Variants in LONRF2 observed in about 807,000 individuals in gnomAD.
The protein encoded by LONRF2 is LON peptidase N-terminal domain and ring finger 2.
Under a neutral mutation model 66.6 loss-of-function variants are expected in LONRF2, and 35 were observed. The observed-to-expected ratio is 0.53, with a 90% CI of 0.40 to 0.70. The LOEUF (loss-of-function observed/expected upper bound fraction) is 0.70. Among genes scored for constraint, LONRF2 ranks in the 30% least tolerant of loss-of-function variants. The probability of loss-of-function intolerance (pLI) is 0.00; values close to 1 mark genes in which losing one functional copy is unlikely to be tolerated. For synonymous variants in LONRF2, 417 were observed against 418.1 expected, an observed-to-expected ratio of 1.00 and a Z score of 0.03; for missense variants, 902 against 1,002.1, an observed-to-expected ratio of 0.90 and a Z score of 1.35.
chr2:100,282,952 T>C lies in LONRF2; in HGVS notation c.*1346A>G, dbSNP rs1466001978. ...CATCAACATTGTATATTATGAGATA[T>C]ATATATTTTAAAACTAAAAAATCAC... On this transcript the variant is annotated 3_prime_UTR_variant, in exon 12 of 12. Transcript: ENST00000393437. The C allele has an allele frequency of 6.6e-6, 1 of 152,212 alleles. No homozygotes were observed. The highest frequency in any genetic ancestry group is 2.4e-5 in the African/African-American group (1 of 41,448). 9.4% of individuals were successfully genotyped at this position (152,212 alleles called of 1,614,324 possible). A position where few individuals can be genotyped will look rare whatever the true frequency, so the allele number is the denominator to read the frequency against.
chr2:100,299,001 A>C, intron 6 of LONRF2, 51 bp from the exon 7 acceptor site: 1 of 1,404,398 alleles, frequency 7.1e-7, no homozygotes. Context: ...CAGACTTTCA[A>C]ATCATGGACT....
intron 1 of LONRF2, among the ~76,000 whole-genome samples, chr2:100,313,993 TC>T (rs1467205529): frequency 6.6e-6 from 1 of 152,192 alleles, no homozygotes; most frequent in African/African-American, 2.4e-5. Flanking sequence ...ATTTATTTAC[TC>T]ATTCTACTAG....
At position 100,272,000 on chromosome 2, in the gene LONRF2, T is replaced by C. The variant is rs1674509945; in HGVS notation, c.*12298A>G. 6.6e-6 allele frequency among the ~76,000 whole-genome samples: 1 copy of C among 152,224 alleles called. No homozygotes were observed. Among genetic ancestry groups the C allele is most frequent in the Non-Finnish European group, 1.5e-5 (1 of 68,044 alleles). Reference sequence around the variant, plus strand: ...AGGAAGCGGGAAAATGCCTGATCCTTACAACTCACATATAAAAGACTTCAT... The same window carrying C: ...AGGAAGCGGGAAAATGCCTGATCCTCACAACTCACATATAAAAGACTTCAT... On this transcript the variant is annotated 3_prime_UTR_variant, in exon 12 of 12. Coordinates refer to ENST00000393437, the MANE Select transcript of LONRF2 (RefSeq NM_198461.4).
rs1675362213 is a variant in LONRF2 at position 100,309,238 on chromosome 2, A to G, written c.680-13T>C. On this transcript the variant is annotated splice_polypyrimidine_tract_variant and intron_variant, in intron 1 of 11. Transcript: ENST00000393437. Reference sequence around the variant, plus strand: ...TTATCATCAGGAGCTGAAAGACAGGAGGAATACAAATCAATAAAAATGACT... The same window carrying G: ...TTATCATCAGGAGCTGAAAGACAGGGGGAATACAAATCAATAAAAATGACT... 1.3e-6 allele frequency: 2 copies of G among 1,539,508 alleles called. No individual in the cohort carries two copies. Among genetic ancestry groups the G allele is most frequent in the Non-Finnish European group, 1.8e-6 (2 of 1,128,366 alleles).
rs1238130653 is a variant in LONRF2 at position 100,277,655 on chromosome 2, C to T, written c.*6643G>A. 1 of 152,170 alleles carries T rather than the reference C, an allele frequency of 6.6e-6. No individual in the cohort carries two copies. The highest frequency in any genetic ancestry group is 1.5e-5 in the Non-Finnish European group (1 of 68,024). 9.4% of individuals were successfully genotyped at this position (152,170 alleles called of 1,614,324 possible). A position where few individuals can be genotyped will look rare whatever the true frequency, so the allele number is the denominator to read the frequency against. The stretch of plus-strand genomic sequence containing the variant: ...GGAGCCCAAGAGAATGTTGCTGCTT[C>T]CCATCTTTTAGCCAGCATGCCCTGA... On this transcript the variant is annotated 3_prime_UTR_variant, in exon 12 of 12. Coordinates refer to ENST00000393437, the MANE Select transcript of LONRF2 (RefSeq NM_198461.4).
At chr2:100,288,596 C>G (rs908517580) in intron 10 of LONRF2, among the ~76,000 whole-genome samples, 9 of 152,214 alleles carry the variant, frequency 5.9e-5, no homozygotes, top group Admixed American at 5.2e-4. Context: ...GACATTTCCA[C>G]TACTTAGAAA....
chr2:100,321,719 G>A lies in LONRF2; in HGVS notation c.375C>T (p.Pro125=), dbSNP rs1197394040. The A allele has an allele frequency of 1.6e-5, 18 of 1,150,556 alleles. No homozygotes were observed. Among genetic ancestry groups the A allele is most frequent in the Admixed American group, 4.8e-5 (1 of 20,722 alleles). The allele number at this position is 1,150,556 out of a possible 1,614,324, so 71.3% of individuals were successfully genotyped here. Reference sequence around the variant, plus strand: ...GCTCCGGGGCCGGCCCTCCCTCGCCGGGCGCCTCGGGCTCGCCGCCCGGGT... The same window carrying A: ...GCTCCGGGGCCGGCCCTCCCTCGCCAGGCGCCTCGGGCTCGCCGCCCGGGT... ...AENPGGEPEA[P]GEGGPAPEPR... Residue 125 remains proline, a synonymous_variant, in exon 1 of 12, where the codon CCC becomes CCT. Coordinates refer to ENST00000393437, the MANE Select transcript of LONRF2 (RefSeq NM_198461.4).
Position 100,321,847 on chromosome 2 carries a change from C to A in LONRF2, c.247G>T (p.Gly83Cys). 8.6e-7 allele frequency: 1 copy of A among 1,159,902 alleles called. No individual in the cohort carries two copies. Among genetic ancestry groups the A allele is most frequent in the South Asian group, 4.1e-5 (1 of 24,616 alleles). The allele number at this position is 1,159,902 out of a possible 1,614,324, so 71.9% of individuals were successfully genotyped here. A position where few individuals can be genotyped will look rare whatever the true frequency, so the allele number is the denominator to read the frequency against. The change falls in exon 1 of 12, where the codon GGC (glycine) becomes TGC (cysteine). Residue 83 changes from glycine to cysteine, a missense_variant. Physicochemically the swap from Gly to Cys is radical, Grantham distance 159. Coordinates refer to ENST00000393437, the MANE Select transcript of LONRF2 (RefSeq NM_198461.4). The part of the protein sequence containing the change: ...RLPEALGAFR[G>C]AARLGALRPE... The stretch of plus-strand genomic sequence containing the variant: ...CGCAGCGCCCCGAGCCGCGCGGCGC[C>A]GCGGAACGCGCCCAGGGCTTCGGGG...
chr2:100,318,736 C>T (rs893117324), intron 1 of LONRF2, among the ~76,000 whole-genome samples: 2 of 151,312 alleles, frequency 1.3e-5, no homozygotes, highest in African/African-American at 4.9e-5. Context: ...GAGGCTGAGG[C>T]ACGAGAATCA....
chr2:100,293,804 T>A (rs1238743871), intron 9 of LONRF2, among the ~76,000 whole-genome samples: 1 of 152,204 alleles, frequency 6.6e-6, no homozygotes, highest in Non-Finnish European at 1.5e-5. Context: ...GGTCTCCAAC[T>A]CCTGGGCTCA....
chr2:100,298,542 A>G (rs77202942), intron 7 of LONRF2, among the ~76,000 whole-genome samples: 15,149 of 152,296 alleles, frequency 0.099, 1,004 homozygotes, highest in South Asian at 0.21. Flanking sequence ...CACCATGACA[A>G]CGTCTCAACC....
chr2:100,304,350 C>A (rs78051462), intron 2 of LONRF2, among the ~76,000 whole-genome samples: 5,957 of 151,348 alleles, frequency 0.039, 334 homozygotes, highest in South Asian at 0.18. Flanking sequence ...TGATGTTTCC[C>A]AGGCTGGTCT....
At position 100,286,914 on chromosome 2, in the gene LONRF2, C is replaced by A; in HGVS notation, c.2070G>T (p.Gln690His). The A allele has an allele frequency of 1.2e-6, 2 of 1,613,282 alleles. No individual in the cohort carries two copies. The highest frequency in any genetic ancestry group is 1.7e-6 in the Non-Finnish European group (2 of 1,179,650). ...GVMPDREPEPQSNPSGPAWSW... is the reference protein window; with the variant it reads ...GVMPDREPEPHSNPSGPAWSW... ...TATAAAGGAAAAAGGGAGGGCATAC[C>A]TGAGGCTCAGGTTCTCTGTCTGGCA... is the stretch of plus-strand genomic sequence containing the variant. Residue 690 changes from glutamine (Q) to histidine (H), a missense_variant and splice_region_variant, in exon 11 of 12, where the codon CAG (glutamine) becomes CAT (histidine). Gln to His is a conservative substitution (Grantham distance 24, BLOSUM62 0). Transcript: ENST00000393437.
At chr2:100,306,844 C>T (rs1675301565) in intron 2 of LONRF2, among the ~76,000 whole-genome samples, 1 of 152,028 alleles carries the variant, frequency 6.6e-6, no homozygotes, top group Non-Finnish European at 1.5e-5. Context: ...TTCCCCAATC[C>T]TTAGTTATAA....
At chr2:100,291,026 C>T (rs1674949505) in intron 9 of LONRF2, among the ~76,000 whole-genome samples, 1 of 151,560 alleles carries the variant, frequency 6.6e-6, no homozygotes, top group African/African-American at 2.4e-5. Context: ...ATGTGAAAAA[C>T]GACAAGGAAA....
intron 10 of LONRF2, among the ~76,000 whole-genome samples, chr2:100,288,766 G>A (rs1392045572): frequency 6.6e-6 from 1 of 152,176 alleles, no homozygotes; most frequent in Non-Finnish European, 1.5e-5. Context: ...TTAGCATAAT[G>A]TCTGTGAGAG....
At chr2:100,304,571 C>T (rs1300728407) in intron 2 of LONRF2, among the ~76,000 whole-genome samples, 1 of 150,398 alleles carries the variant, frequency 6.6e-6, no homozygotes, top group African/African-American at 2.4e-5. Context: ...TCTTCAAAGT[C>T]TCTTTGTGGA....
intron 4 of LONRF2, among the ~76,000 whole-genome samples, chr2:100,300,319 T>C (rs1400375229): frequency 1.3e-5 from 2 of 152,176 alleles, no homozygotes; most frequent in Admixed American, 1.3e-4. Flanking sequence ...GTTACATATG[T>C]ATACATGTGC....
chr2:100,284,417 T>C lies in LONRF2; in HGVS notation c.2146A>G (p.Ile716Val), dbSNP rs1390505386. ...LPLERKAQLA[I>V]LGMTSLKERL... ...TCTTTGAGCGAGGTCATGCCGAGGA[T>C]GGCCAGCTGAGCCTTGCGCTCCAGG... The change falls in exon 12 of 12, where the codon ATC becomes GTC. Residue 716 changes from isoleucine to valine, a missense_variant. Around this residue, in one of 2 missense-constraint regions of LONRF2, gnomAD observed 317 missense variants for 432.2 expected, o/e 0.73. Coordinates refer to ENST00000393437, the MANE Select transcript of LONRF2 (RefSeq NM_198461.4). 3 of 1,607,162 alleles carry C rather than the reference T, an allele frequency of 1.9e-6. No individual in the cohort carries two copies. Among genetic ancestry groups the C allele is most frequent in the Non-Finnish European group, 2.5e-6 (3 of 1,177,130 alleles).
Sources: allele counts gnomAD v4.1 joint callset (sites outside exome capture counted in the v4.1 genomes callset), GRCh38; gene constraint gnomAD v4.1.1; regional missense constraint gnomAD v4.1.1; transcripts MANE v1.5; gene names NCBI Gene and HGNC (gene_info 2026-07-23, HGNC 2026-07-21).